Variants in IL21 observed in about 807,000 individuals in gnomAD.
The protein encoded by IL21 is interleukin 21.
Under a neutral mutation model 18.4 loss-of-function variants are expected in IL21, and 3 were observed. That is an observed-to-expected ratio of 0.16 (90% CI 0.07 to 0.42). The LOEUF is 0.42. Among genes scored for constraint, IL21 ranks in the 10% least tolerant of loss-of-function variants. The probability of loss-of-function intolerance (pLI) is 0.99; values close to 1 mark genes in which losing one functional copy is unlikely to be tolerated. For synonymous variants in IL21, 37 were observed against 62.0 expected, an observed-to-expected ratio of 0.60 and a Z score of 1.90; for missense variants, 130 against 188.4, an observed-to-expected ratio of 0.69 and a Z score of 1.81.
At chr4:122,614,122 A>G (rs1481771503) in intron 3 of IL21, among the ~76,000 whole-genome samples, 2 of 152,194 alleles carry the variant, frequency 1.3e-5, no homozygotes. Context: ...TCATTCTGAC[A>G]CTATTTATGG....
Position 122,611,168 on chromosome 4 carries a change from T to C in IL21, c.*1542A>G, listed in dbSNP as rs1328413219. On this transcript the variant is annotated 3_prime_UTR_variant, in exon 5 of 5. Transcript: ENST00000648588. The stretch of plus-strand genomic sequence containing the variant: ...GTCACAACAACCCGGGCTGGCGTAT[T>C]TGAAACTGAGGCACATTTTAGATAT... Among the ~76,000 whole-genome samples the C allele has an allele frequency of 6.6e-6, 1 of 152,190 alleles. No individual in the cohort carries two copies. The highest frequency in any genetic ancestry group is 2.4e-5 in the African/African-American group (1 of 41,456).
At chr4:122,614,068 G>A (rs1229274557) in intron 3 of IL21, among the ~76,000 whole-genome samples, 1 of 152,196 alleles carries the variant, frequency 6.6e-6, no homozygotes, top group Non-Finnish European at 1.5e-5. Context: ...TGATGTTGTA[G>A]TGAGAGCATT....
At chr4:122,618,362 C>T (rs1015353897) in intron 2 of IL21, among the ~76,000 whole-genome samples, 1 of 151,816 alleles carries the variant, frequency 6.6e-6, no homozygotes, top group African/African-American at 2.4e-5. Context: ...CTCAAGCAAT[C>T]CTCCAAACTT....
chr4:122,615,953 A>G, intron 2 of IL21, 116 bp from the exon 3 acceptor site: 1 of 824,730 alleles, frequency 1.2e-6, no homozygotes, highest in Non-Finnish European at 1.9e-6. Flanking sequence ...CATCGTTTCA[A>G]CAGATGAGTG....
At position 122,620,869 on chromosome 4, in the gene IL21, T is replaced by C; in HGVS notation, c.143A>G (p.Gln48Arg). The change falls in exon 1 of 5, where the codon CAG becomes CGG. Residue 48 changes from glutamine (Q) to arginine (R), a missense_variant. By Grantham distance (43) the Gln-to-Arg change is conservative. Transcript: ENST00000648588. ...RMRQLIDIVD[Q>R]LKNYVNDLVP... is the part of the protein sequence containing the mutation. The stretch of plus-strand genomic sequence containing the variant: ...CAAGTCATTCACATAATTTTTCAGC[T>C]GATCAACAATATCTATAAGTTGACG... 1 of 1,614,092 alleles carries C rather than the reference T, an allele frequency of 6.2e-7. No homozygotes were observed. Among genetic ancestry groups the C allele is most frequent in the African/African-American group, 1.3e-5 (1 of 75,056 alleles).
At chr4:122,613,347 C>CTCT (rs1799288871) in intron 3 of IL21, among the ~76,000 whole-genome samples, 1 of 94,946 alleles carries the variant, frequency 1.1e-5, no homozygotes, top group South Asian at 4.1e-4. Flanking sequence ...TTGCATCTAA[C>CTCT]TTTTTTTTTT....
chr4:122,610,447 G>T lies in IL21; in HGVS notation c.*2263C>A, dbSNP rs1193215972. On this transcript the variant is annotated 3_prime_UTR_variant, in exon 5 of 5. Coordinates refer to ENST00000648588, the MANE Select transcript of IL21 (RefSeq NM_021803.4). ...AATATGTCCCTTGTTCCTGCAGTGA[G>T]TGTTGCTACAAATGTTATTGAAATA... is the stretch of plus-strand genomic sequence containing the variant. Among the ~76,000 whole-genome samples the T allele has an allele frequency of 6.6e-6, 1 of 151,792 alleles. No homozygotes were observed. Among genetic ancestry groups the T allele is most frequent in the Non-Finnish European group, 1.5e-5 (1 of 67,972 alleles).
intron 2 of IL21, among the ~76,000 whole-genome samples, chr4:122,617,209 T>C (rs1171721719): frequency 6.6e-6 from 1 of 152,268 alleles, no homozygotes; most frequent in African/African-American, 2.4e-5. Flanking sequence ...CCTTTCCATA[T>C]GTTTGCCAAA....
intron 3 of IL21, among the ~76,000 whole-genome samples, chr4:122,614,453 T>C (rs1257353463): frequency 2.0e-5 from 3 of 149,252 alleles, no homozygotes; most frequent in Admixed American, 6.7e-5. Flanking sequence ...ACACCTGTAA[T>C]CCCAGCACTT....
intron 1 of IL21, 27 bp downstream of exon 1, chr4:122,620,817 A>ATT: frequency 6.2e-7 from 1 of 1,612,866 alleles, no homozygotes; most frequent in Non-Finnish European, 8.5e-7. Flanking sequence ...TATGATTTAG[A>ATT]TTTTGTTGTG....
intron 3 of IL21, among the ~76,000 whole-genome samples, chr4:122,613,310 A>C (rs1799287825): frequency 6.7e-6 from 1 of 149,508 alleles, no homozygotes; most frequent in Non-Finnish European, 1.5e-5. Context: ...CATAGGATGC[A>C]ACTCTTACTA....
At position 122,610,490 on chromosome 4, in the gene IL21, A is replaced by G. The variant is rs930995623; in HGVS notation, c.*2220T>C. ...TTGAAATAATACTGAGCAACTGAACATCAGACTCAGTAGAAAGTTTTACTC... is the reference window on the plus strand; with the variant it reads ...TTGAAATAATACTGAGCAACTGAACGTCAGACTCAGTAGAAAGTTTTACTC... On this transcript the variant is annotated 3_prime_UTR_variant, in exon 5 of 5. Transcript: ENST00000648588. 6.6e-6 allele frequency among the ~76,000 whole-genome samples: 1 copy of G among 152,168 alleles called. No individual in the cohort carries two copies. The highest frequency in any genetic ancestry group is 2.4e-5 in the African/African-American group (1 of 41,442).
intron 2 of IL21, 131 bp from the exon 3 acceptor site, chr4:122,615,968 A>G (rs1398495539): frequency 8.3e-6 from 6 of 721,032 alleles, no homozygotes; most frequent in Non-Finnish European, 1.3e-5. Flanking sequence ...TGAGTGAGGT[A>G]TGATTTCACC....
chr4:122,620,888 G>A lies in IL21; in HGVS notation c.124C>T (p.Leu42Phe). 2 of 1,614,050 alleles carry A rather than the reference G, an allele frequency of 1.2e-6. No homozygotes were observed. The highest frequency in any genetic ancestry group is 2.2e-5 in the South Asian group (2 of 91,074). ...TTCAGCTGATCAACAATATCTATAA[G>A]TTGACGCATTCTAATCATGTGGCGA... ...QDRHMIRMRQ[L>F]IDIVDQLKNY... Residue 42 changes from leucine to phenylalanine, a missense_variant, in exon 1 of 5, where the codon CTT becomes TTT. Transcript: ENST00000648588.
intron 2 of IL21, among the ~76,000 whole-genome samples, chr4:122,617,456 T>C (rs1799351780): frequency 6.6e-6 from 1 of 152,224 alleles, no homozygotes; most frequent in Non-Finnish European, 1.5e-5. Context: ...TCACAGAGGC[T>C]CATTTTGCTG....
At position 122,610,512 on chromosome 4, in the gene IL21, A is replaced by G. The variant is rs1321328721; in HGVS notation, c.*2198T>C. 6.6e-6 allele frequency among the ~76,000 whole-genome samples: 1 copy of G among 152,170 alleles called. No individual in the cohort carries two copies. Among genetic ancestry groups the G allele is most frequent in the Non-Finnish European group, 1.5e-5 (1 of 68,036 alleles). On this transcript the variant is annotated 3_prime_UTR_variant, in exon 5 of 5. Transcript: ENST00000648588. ...AACATCAGACTCAGTAGAAAGTTTT[A>G]CTCAGAAGTATGATCAGATGTTTCT... is the stretch of plus-strand genomic sequence containing the variant.
chr4:122,617,769 C>T (rs1303054342), intron 2 of IL21, among the ~76,000 whole-genome samples: 1 of 152,186 alleles, frequency 6.6e-6, no homozygotes, highest in African/African-American at 2.4e-5. Context: ...GTTCTGCAAG[C>T]AGCAGAGCTG....
In IL21 at chr4:122,612,880, G is replaced by A; in HGVS notation, c.409C>T (p.Leu137=). 1.2e-6 allele frequency: 2 copies of A among 1,612,396 alleles called. No individual in the cohort carries two copies. The highest frequency in any genetic ancestry group is 1.7e-6 in the Non-Finnish European group (2 of 1,179,188). ...TGGAGAAGTGATTTGAATCTTTCTA[G>A]GAATTCTTTGGGTGGTTTTTTCTCA... The part of the protein sequence containing the change: ...SYEKKPPKEF[L]ERFKSLLQKM... Residue 137 remains leucine (L), a synonymous_variant, in exon 4 of 5, where the codon CTA becomes TTA. Transcript: ENST00000648588.
At chr4:122,620,657 CTT>C in intron 2 of IL21, 42 bp downstream of exon 2, 2 of 1,554,456 alleles carry the variant, frequency 1.3e-6, no homozygotes, top group South Asian at 1.1e-5. Flanking sequence ...GATTTAAAAA[CTT>C]ATGTCCAATG....
Sources: allele counts gnomAD v4.1 joint callset (sites outside exome capture counted in the v4.1 genomes callset), GRCh38; gene constraint gnomAD v4.1.1; transcripts MANE v1.5; gene names NCBI Gene and HGNC (gene_info 2026-07-23, HGNC 2026-07-21).